The following KCNH4 variants were observed in gnomAD, a reference collection of about 807,000 sequenced individuals.
KCNH4 encodes potassium voltage-gated channel subfamily H member 4.
In KCNH4, 33 loss-of-function variants were observed where a neutral mutation model predicts 90.7. The observed-to-expected ratio is 0.36, with a 90% confidence interval of 0.28 to 0.49. The LOEUF (loss-of-function observed/expected upper bound fraction) is 0.49. Ranked by LOEUF, KCNH4 falls within the 20% of genes least tolerant of loss-of-function variation. KCNH4 has a pLI of 0.98. For missense variants in KCNH4, 1,044 were observed against 1,387.1 expected, an observed-to-expected ratio of 0.75 and a Z score of 3.93; for synonymous variants, 551 against 581.7, an observed-to-expected ratio of 0.95 and a Z score of 0.76.
intron 10 of KCNH4, 132 bp from the exon 11 acceptor site, chr17:42,165,825 T>C: frequency 9.5e-7 from 1 of 1,057,984 alleles, no homozygotes; most frequent in Non-Finnish European, 1.4e-6. Context: ...TCAATGGGAT[T>C]GGTGGAAATA....
At position 42,160,075 on chromosome 17, in the gene KCNH4, G is replaced by C; in HGVS notation, c.3019C>G (p.His1007Asp). Residue 1007 changes from histidine to aspartate, a missense_variant, in exon 16 of 17, where the codon CAC (histidine) becomes GAC (aspartate). This residue lies in a region of KCNH4 where 441 missense variants were observed against 512.3 expected (regional missense o/e 0.86). Transcript: ENST00000264661. The stretch of plus-strand genomic sequence containing the variant: ...GTGTCTGACCTGGACTGGAAACTGT[G>C]CCTCAAGAGGCTTGGGGTTGGGGGT... ...ASPPTPSLLR[H>D]SFQSRSDTFH The C allele has an allele frequency of 6.5e-7, 1 of 1,550,326 alleles. No individual in the cohort carries two copies. The highest frequency in any genetic ancestry group is 8.7e-7 in the Non-Finnish European group (1 of 1,146,096).
intron 15 of KCNH4, among the ~76,000 whole-genome samples, chr17:42,160,979 T>A (rs1047850791): frequency 7.7e-6 from 1 of 130,352 alleles, no homozygotes; most frequent in African/African-American, 3.0e-5. Context: ...CAGGCTGGAG[T>A]GCAATGGCGC....
intron 9 of KCNH4, among the ~76,000 whole-genome samples, chr17:42,167,452 G>A (rs779299187): frequency 6.6e-6 from 1 of 152,110 alleles, no homozygotes; most frequent in Non-Finnish European, 1.5e-5. Flanking sequence ...TTTTAGTAGA[G>A]ACGGGGTTTC....
intron 6 of KCNH4, among the ~76,000 whole-genome samples, chr17:42,174,249 T>G (rs1453746907): frequency 6.6e-6 from 1 of 152,156 alleles, no homozygotes; most frequent in Admixed American, 6.5e-5. Flanking sequence ...TCTCTGAGCC[T>G]CTGTACCTAC....
chr17:42,176,783 A>C (rs2079865126), intron 4 of KCNH4, among the ~76,000 whole-genome samples: 1 of 152,032 alleles, frequency 6.6e-6, no homozygotes, highest in Admixed American at 6.6e-5. Context: ...TCAGCCTCCC[A>C]AAGTGCTAGG....
In KCNH4 at chr17:42,178,837, C is replaced by T; in HGVS notation, c.266G>A (p.Gly89Asp). The change falls in exon 2 of 17, where the codon GGC (glycine) becomes GAC (aspartate). Residue 89 changes from glycine (G) to aspartate (D), a missense_variant. Gly to Asp is a moderately conservative substitution (Grantham distance 94). This residue lies in a region of KCNH4 where 283 missense variants were observed against 378.6 expected (regional missense o/e 0.75). Transcript: ENST00000264661. The part of the protein sequence containing the change: ...ALQRLHKALE[G>D]HQEHRAEICF... ...GATTTCAGCCCGGTGCTCCTGGTGG[C>T]CCTCCAGGGCTTTGTGCAGACGCTG... 6.2e-7 allele frequency: 1 copy of T among 1,614,068 alleles called. No individual in the cohort carries two copies. Among genetic ancestry groups the T allele is most frequent in the Non-Finnish European group, 8.5e-7 (1 of 1,180,016 alleles).
intron 9 of KCNH4, among the ~76,000 whole-genome samples, chr17:42,168,381 C>T (rs1454395530): frequency 6.6e-6 from 1 of 152,224 alleles, no homozygotes; most frequent in Non-Finnish European, 1.5e-5. Flanking sequence ...TGTGGTGGTG[C>T]ACGCCTGTAA....
In KCNH4 at chr17:42,166,279, G is replaced by T; in HGVS notation, c.1840+18C>A. 6.3e-7 allele frequency: 1 copy of T among 1,585,440 alleles called. No individual in the cohort carries two copies. The highest frequency in any genetic ancestry group is 1.1e-5 in the South Asian group (1 of 87,494). ...GGGTGGTTCCAGGGTAGGTAGTAGA[G>T]GGTGACGGTGTCCTTACCCAGGATG... On this transcript the variant is annotated intron_variant, in intron 10 of 16. Transcript: ENST00000264661.
At chr17:42,157,167 A>G (rs1429355687) in intron 16 of KCNH4, 49 bp from the exon 17 acceptor site, 2 of 152,318 alleles carry the variant, frequency 1.3e-5, no homozygotes, top group Non-Finnish European at 2.9e-5. Context: ...GCCTAGGAGT[A>G]GAAGCAGACA....
intron 9 of KCNH4, among the ~76,000 whole-genome samples, chr17:42,167,972 G>A (rs979825010): frequency 1.3e-5 from 2 of 152,050 alleles, no homozygotes; most frequent in Non-Finnish European, 2.9e-5. Context: ...CCATTCCTGC[G>A]GGCTTATTGA....
Position 42,172,023 on chromosome 17 carries a change from C to T in KCNH4, c.988-28G>A, listed in dbSNP as rs369486846. The T allele has an allele frequency of 4.1e-5, 64 of 1,551,598 alleles. No homozygotes were observed. In the African/African-American group the frequency reaches 6.7e-4, roughly 16 times the overall value. Reference sequence around the variant, plus strand: ...GCAGGAAGGTGGCGGGGGAGGCTGTCAGCAGGCACACCTCCTCCGAGCCCT... The same window carrying T: ...GCAGGAAGGTGGCGGGGGAGGCTGTTAGCAGGCACACCTCCTCCGAGCCCT... On this transcript the variant is annotated intron_variant, in intron 6 of 16. Transcript: ENST00000264661.
chr17:42,164,233 C>G (rs1323450564), intron 11 of KCNH4, 65 bp from the exon 12 acceptor site: 2 of 1,392,150 alleles, frequency 1.4e-6, no homozygotes, highest in African/African-American at 1.5e-5. Context: ...CAGACCCTCC[C>G]TGTCCCACCC....
At position 42,163,513 on chromosome 17, in the gene KCNH4, T is replaced by C; in HGVS notation, c.2477+93A>G. 4.0e-6 allele frequency: 3 copies of C among 755,504 alleles called. No homozygotes were observed. The highest frequency in any genetic ancestry group is 6.5e-6 in the Non-Finnish European group (3 of 458,606). The allele number at this position is 755,504 out of a possible 1,614,324, so 46.8% of individuals were successfully genotyped here. A position where few individuals can be genotyped will look rare whatever the true frequency, so the allele number is the denominator to read the frequency against. On this transcript the variant is annotated intron_variant, in intron 13 of 16. Transcript: ENST00000264661. The surrounding 1 kb of genome is among the most constrained non-coding windows in gnomAD (Gnocchi z 5.4). ...GGTGGGCACACGGGCAGAGACGGAA[T>C]GTAGCACTGTTTGGAACGCCAGGGA...
At chr17:42,178,603 G>A (rs140635841) in intron 2 of KCNH4, 126 bp from the exon 3 acceptor site, 1 of 1,302,374 alleles carries the variant, frequency 7.7e-7, no homozygotes, top group Non-Finnish European at 1.0e-6. Flanking sequence ...AGGAACCTCA[G>A]AGATTCTGTC....
chr17:42,180,726 C>T lies in KCNH4; in HGVS notation c.76+144G>A. On this transcript the variant is annotated intron_variant, in intron 1 of 16. Transcript: ENST00000264661. The surrounding 1 kb of genome is among the most constrained non-coding windows in gnomAD (Gnocchi z 4.7). ...CAGGGCACTCCCCGCCCTGTTCCTG[C>T]ACCGCGGCTTTGGGAGTTCCTAGAC... The T allele has an allele frequency of 1.2e-6, 1 of 821,254 alleles. No individual in the cohort carries two copies. The highest frequency in any genetic ancestry group is 2.0e-6 in the Non-Finnish European group (1 of 497,294). 50.9% of individuals were successfully genotyped at this position (821,254 alleles called of 1,614,324 possible). A position where few individuals can be genotyped will look rare whatever the true frequency, so the allele number is the denominator to read the frequency against.
Position 42,170,293 on chromosome 17 carries a change from G to A in KCNH4, c.1204C>T (p.His402Tyr). ...DPLLWDIGWLHELGKRLEVPY... is the reference protein window; with the variant it reads ...DPLLWDIGWLYELGKRLEVPY... ...ACCTCCAGACGCTTGCCCAACTCAT[G>A]CAACCAGCCTGCAGGGTGGACGGAT... is the stretch of plus-strand genomic sequence containing the variant. Residue 402 changes from histidine to tyrosine, a missense_variant, in exon 8 of 17, where the codon CAT becomes TAT. Physicochemically the swap from His to Tyr is moderately conservative, Grantham distance 83. Transcript: ENST00000264661. 1.9e-6 allele frequency: 3 copies of A among 1,593,290 alleles called. No homozygotes were observed. Among genetic ancestry groups the A allele is most frequent in the Non-Finnish European group, 2.6e-6 (3 of 1,175,064 alleles).
Position 42,165,105 on chromosome 17 carries a change from C to CAA in KCNH4, c.2085+342_2085+343dup, listed in dbSNP as rs572673540. ...TGGGCGACAGAGTAAGACTTCGTCT[C>CAA]AAAAAAAAAAAACAAAACCCAAAAA... is the stretch of plus-strand genomic sequence containing the variant. On this transcript the variant is annotated intron_variant, in intron 11 of 16. Transcript: ENST00000264661. Among the ~76,000 whole-genome samples, 355 of 116,754 alleles carry CAA rather than the reference C, an allele frequency of 3.0e-3. 3 individuals are homozygous for CAA. Among genetic ancestry groups the CAA allele is most frequent in the African/African-American group, 0.011 (346 of 31,176 alleles). 76.6% of individuals were successfully genotyped at this position (116,754 alleles called of 152,430 possible).
At position 42,160,060 on chromosome 17, in the gene KCNH4, T is replaced by C. The variant is rs748990698; in HGVS notation, c.3034A>G (p.Arg1012Gly). The C allele has an allele frequency of 3.9e-6, 6 of 1,539,932 alleles. No individual in the cohort carries two copies. The African/African-American group carries it at 8.2e-5, about 21-fold the overall frequency. The part of the protein sequence containing the change: ...PSLLRHSFQS[R>G]SDTFH ...CAGGGTCAGTGGAACGTGTCTGACCTGGACTGGAAACTGTGCCTCAAGAGG... is the reference window on the plus strand; with the variant it reads ...CAGGGTCAGTGGAACGTGTCTGACCCGGACTGGAAACTGTGCCTCAAGAGG... Residue 1012 changes from arginine to glycine, a missense_variant, in exon 16 of 17, where the codon AGG (arginine) becomes GGG (glycine). By Grantham distance (125) the Arg-to-Gly change is moderately radical (BLOSUM62 -2). Transcript: ENST00000264661.
chr17:42,169,975 G>T, intron 8 of KCNH4, 132 bp downstream of exon 8: 1 of 977,230 alleles, frequency 1.0e-6, no homozygotes, highest in Non-Finnish European at 1.5e-6. Flanking sequence ...GGAAACGTCC[G>T]TGAATGAATG....
Sources: allele counts gnomAD v4.1 joint callset (sites outside exome capture counted in the v4.1 genomes callset), GRCh38; gene constraint gnomAD v4.1.1; regional missense constraint gnomAD v4.1.1; non-coding constraint Gnocchi (gnomAD v3.1); transcripts MANE v1.5; gene names NCBI Gene and HGNC (gene_info 2026-07-23, HGNC 2026-07-21).